Variants in GSPT1 observed in about 807,000 individuals in gnomAD.
GSPT1 encodes the protein G1 to S phase transition 1, also known as eukaryotic peptide chain release factor GTP-binding subunit ERF3A.
GSPT1 carries 20 observed loss-of-function variants against 72.5 expected under a neutral mutation model. The ratio of observed to expected loss-of-function variants is 0.28; its 90% CI spans 0.19 to 0.40. The LOEUF (loss-of-function observed/expected upper bound fraction) is 0.40. Among genes scored for constraint, GSPT1 ranks in the 10% least tolerant of loss-of-function variants. GSPT1 has a pLI of 1.00. For missense variants in GSPT1, 580 were observed against 811.9 expected, an observed-to-expected ratio of 0.71 and a Z score of 3.47; for synonymous variants, 334 against 293.5, an observed-to-expected ratio of 1.14 and a Z score of -1.41.
At chr16:11,878,256 C>T (rs2054072269) in intron 11 of GSPT1, among the ~76,000 whole-genome samples, 1 of 152,118 alleles carries the variant, frequency 6.6e-6, no homozygotes. Context: ...GCTGGGATTA[C>T]AGGCACCCAC....
chr16:11,909,948 CT>C (rs71754617), intron 1 of GSPT1, among the ~76,000 whole-genome samples: 21,594 of 151,692 alleles, frequency 0.14, 3,497 homozygotes, highest in African/African-American at 0.38. Flanking sequence ...AACAAAAAAA[CT>C]TAGCCAGGCG....
intron 3 of GSPT1, 72 bp downstream of exon 3, chr16:11,897,768 A>G: frequency 6.5e-6 from 5 of 770,912 alleles, no homozygotes; most frequent in Non-Finnish European, 6.8e-6. Context: ...CGTAACTTAC[A>G]TAATGCACCT....
chr16:11,892,663 C>T (rs1220326746), intron 5 of GSPT1, among the ~76,000 whole-genome samples: 11 of 150,322 alleles, frequency 7.3e-5, no homozygotes, highest in African/African-American at 2.0e-4. Context: ...CTCATCTCTA[C>T]TAAAAATACA....
intron 1 of GSPT1, among the ~76,000 whole-genome samples, chr16:11,898,612 C>G (rs2054369480): frequency 6.6e-6 from 1 of 152,042 alleles, no homozygotes; most frequent in Admixed American, 6.6e-5. Context: ...CCACCATGCC[C>G]GGCTAATTTT....
intron 6 of GSPT1, 78 bp from the exon 7 acceptor site, chr16:11,887,828 T>C (rs891529100): frequency 1.0e-6 from 1 of 964,988 alleles, no homozygotes; most frequent in South Asian, 1.6e-5. Context: ...ATTAAAGATA[T>C]AATGGATGAC....
chr16:11,887,468 C>G, intron 7 of GSPT1, 102 bp downstream of exon 7: 1 of 913,608 alleles, frequency 1.1e-6, no homozygotes, highest in Non-Finnish European at 1.7e-6. Context: ...CATTATATTT[C>G]ACTGCAACCT....
intron 1 of GSPT1, among the ~76,000 whole-genome samples, chr16:11,909,927 A>G (rs557021400): frequency 1.4e-5 from 2 of 144,816 alleles, no homozygotes; most frequent in African/African-American, 5.7e-5. Flanking sequence ...CCATCTCAAA[A>G]AACAAAAACA....
intron 1 of GSPT1, among the ~76,000 whole-genome samples, chr16:11,902,115 G>A (rs1037153814): frequency 1.3e-5 from 2 of 150,154 alleles, no homozygotes; most frequent in African/African-American, 2.5e-5. Flanking sequence ...AGGCACGGTG[G>A]CTCATGCCTA....
At chr16:11,905,602 A>C (rs1406407946) in intron 1 of GSPT1, among the ~76,000 whole-genome samples, 1 of 152,154 alleles carries the variant, frequency 6.6e-6, no homozygotes, top group Non-Finnish European at 1.5e-5. Context: ...TGGGAGGCCA[A>C]GGCGGGCAGA....
chr16:11,876,618 C>T (rs1218079370), intron 12 of GSPT1, among the ~76,000 whole-genome samples: 1 of 152,128 alleles, frequency 6.6e-6, no homozygotes, highest in Admixed American at 6.6e-5. Flanking sequence ...GTGGTGGGCG[C>T]CTAAATCCCA....
chr16:11,887,994 T>A (rs2054205200), intron 6 of GSPT1, among the ~76,000 whole-genome samples: 1 of 151,864 alleles, frequency 6.6e-6, no homozygotes, highest in African/African-American at 2.4e-5. Flanking sequence ...AAGCCCTGTC[T>A]CTACCGAAAA....
Position 11,877,312 on chromosome 16 carries a change from C to T in GSPT1, c.1602+95G>A, listed in dbSNP as rs1443604289. On this transcript the variant is annotated intron_variant, in intron 12 of 14. Transcript: ENST00000434724. The surrounding 1 kb of genome is among the most constrained non-coding windows in gnomAD (Gnocchi z 4.0). ...CCTTCTCTACACTAAGATGGGTTAA[C>T]TGGCATGTCACAAATAATCAGGACA... is the stretch of plus-strand genomic sequence containing the variant. The T allele has an allele frequency of 4.9e-6, 4 of 819,076 alleles. No individual in the cohort carries two copies. The highest frequency in any genetic ancestry group is 1.9e-6 in the Non-Finnish European group (1 of 534,868). 50.7% of individuals were successfully genotyped at this position (819,076 alleles called of 1,614,324 possible).
rs1037807130 is a variant in GSPT1, at chr16:11,868,647, G to A, written c.*4472C>T. 1 of 152,182 alleles carries A rather than the reference G, an allele frequency of 6.6e-6. No individual in the cohort carries two copies. The highest frequency in any genetic ancestry group is 2.4e-5 in the African/African-American group (1 of 41,422). 9.4% of individuals were successfully genotyped at this position (152,182 alleles called of 1,614,324 possible). A position where few individuals can be genotyped will look rare whatever the true frequency, so the allele number is the denominator to read the frequency against. ...CACACACACTCTTCCCTGGGCAGCAGGAAAAGGAGGTAACAAGGACTTGGG... is the reference window on the plus strand; with the variant it reads ...CACACACACTCTTCCCTGGGCAGCAAGAAAAGGAGGTAACAAGGACTTGGG... On this transcript the variant is annotated 3_prime_UTR_variant, in exon 15 of 15. Transcript: ENST00000434724.
At chr16:11,914,195 T>C (rs2054595273) in intron 1 of GSPT1, among the ~76,000 whole-genome samples, 1 of 152,216 alleles carries the variant, frequency 6.6e-6, no homozygotes, top group Non-Finnish European at 1.5e-5. Flanking sequence ...ATTTTCTCTT[T>C]AAGGAAACAC....
In GSPT1 at chr16:11,877,676, C is replaced by G. The variant is rs989510476; in HGVS notation, c.1429-96G>C. ...TGTCTGTCTGCTCAATAAAGAGTTG[C>G]AAGATTTGACTGTAAACACTTATGT... On this transcript the variant is annotated intron_variant, in intron 11 of 14. Transcript: ENST00000434724. The surrounding 1 kb of genome is among the most constrained non-coding windows in gnomAD (Gnocchi z 4.0). The G allele has an allele frequency of 1.3e-5, 9 of 692,686 alleles. No individual in the cohort carries two copies. The highest frequency in any genetic ancestry group is 1.3e-4 in the African/African-American group (7 of 54,280). The allele number at this position is 692,686 out of a possible 1,614,324, so 42.9% of individuals were successfully genotyped here.
chr16:11,905,345 T>G (rs935508960), intron 1 of GSPT1, among the ~76,000 whole-genome samples: 1 of 152,202 alleles, frequency 6.6e-6, no homozygotes, highest in Non-Finnish European at 1.5e-5. Flanking sequence ...AAATTTAATT[T>G]TAATAAATTT....
At chr16:11,883,995 G>C (rs539722681) in intron 10 of GSPT1, among the ~76,000 whole-genome samples, 2 of 151,792 alleles carry the variant, frequency 1.3e-5, no homozygotes, top group African/African-American at 4.8e-5. Context: ...AGGTTCTCCT[G>C]ATCTCTAGGC....
rs1015405275 is a variant in GSPT1 at position 11,869,181 on chromosome 16, A to G, written c.*3938T>C. Reference sequence around the variant, plus strand: ...ATCCACGGAATTACTACTGGAAAATAAAAACACTTCCTATTCTTTCTATTC... The same window carrying G: ...ATCCACGGAATTACTACTGGAAAATGAAAACACTTCCTATTCTTTCTATTC... On this transcript the variant is annotated 3_prime_UTR_variant, in exon 15 of 15. Coordinates refer to ENST00000434724, the MANE Select transcript of GSPT1 (RefSeq NM_002094.4). 2.0e-5 allele frequency: 3 copies of G among 152,242 alleles called. No individual in the cohort carries two copies. Among genetic ancestry groups the G allele is most frequent in the Non-Finnish European group, 4.4e-5 (3 of 68,038 alleles). The allele number at this position is 152,242 out of a possible 1,614,324, so 9.4% of individuals were successfully genotyped here.
intron 1 of GSPT1, among the ~76,000 whole-genome samples, chr16:11,913,525 G>C (rs531428794): frequency 6.6e-6 from 1 of 152,202 alleles, no homozygotes; most frequent in Non-Finnish European, 1.5e-5. Flanking sequence ...CCGCATAAGA[G>C]GTAATACCTA....
Sources: gnomAD v4.1 joint callset for allele counts (sites outside exome capture counted in the v4.1 genomes callset) on GRCh38, gnomAD v4.1.1 for gene constraint, Gnocchi (gnomAD v3.1) non-coding constraint, MANE v1.5 for transcripts, NCBI Gene and HGNC (gene_info 2026-07-23, HGNC 2026-07-21) for gene names.